Variants in ZFHX3 observed in about 807,000 individuals in gnomAD.
ZFHX3 encodes zinc finger homeobox protein 3.
In ZFHX3, 42 loss-of-function variants were observed where a neutral mutation model predicts 279.1. The observed-to-expected ratio is 0.15, with a 90% CI of 0.12 to 0.19. The LOEUF (loss-of-function observed/expected upper bound fraction) is 0.19. ZFHX3 is among the 10% of genes least tolerant of loss of function. ZFHX3 has a pLI of 1.00. For missense variants in ZFHX3, 4,981 were observed against 4,754.0 expected, an observed-to-expected ratio of 1.05 and a Z score of -1.40; for synonymous variants, 2,293 against 1,957.8, an observed-to-expected ratio of 1.17 and a Z score of -4.52.
intron 2 of ZFHX3, among the ~76,000 whole-genome samples, chr16:73,617,142 A>G (rs1363352911): frequency 7.9e-5 from 12 of 152,112 alleles, no homozygotes. Flanking sequence ...CTAAACCCCT[A>G]TTTCTCCACC....
At chr16:73,194,510 C>T (rs893555548) in intron 5 of ZFHX3, among the ~76,000 whole-genome samples, 1 of 152,148 alleles carries the variant, frequency 6.6e-6, no homozygotes, top group Admixed American at 6.5e-5. Context: ...TTATTGCCTT[C>T]TTACTTGCTA....
chr16:73,624,529 A>G (rs1597033907), intron 2 of ZFHX3, among the ~76,000 whole-genome samples: 1 of 152,150 alleles, frequency 6.6e-6, no homozygotes, highest in Admixed American at 6.5e-5. Context: ...AGCTAGAACC[A>G]TCAACATTAT....
chr16:73,551,513 G>A (rs1354694826), intron 2 of ZFHX3, among the ~76,000 whole-genome samples: 4 of 152,188 alleles, frequency 2.6e-5, no homozygotes, highest in African/African-American at 9.7e-5. Flanking sequence ...TGAGGGAGGT[G>A]TAGTCACTCT....
chr16:73,415,953 C>T (rs1437206991), intron 3 of ZFHX3, among the ~76,000 whole-genome samples: 1 of 151,986 alleles, frequency 6.6e-6, no homozygotes, highest in Non-Finnish European at 1.5e-5. Flanking sequence ...AACCCCATCT[C>T]TACTAAAAAT....
At chr16:73,723,668 A>G (rs538347008) in intron 1 of ZFHX3, among the ~76,000 whole-genome samples, 3 of 152,126 alleles carry the variant, frequency 2.0e-5, no homozygotes, top group Non-Finnish European at 4.4e-5. Flanking sequence ...TTTGTAATTT[A>G]AAAAAATATA....
At chr16:73,631,964 GT>G (rs981433833) in intron 2 of ZFHX3, among the ~76,000 whole-genome samples, 20 of 128,820 alleles carry the variant, frequency 1.6e-4, no homozygotes, top group African/African-American at 5.1e-4. Context: ...CACACACAAA[GT>G]TTTGCATCTC....
At chr16:73,715,248 C>T (rs74712538) in intron 1 of ZFHX3, among the ~76,000 whole-genome samples, 4,810 of 152,200 alleles carry the variant, frequency 0.032, 98 homozygotes, top group African/African-American at 0.053. Flanking sequence ...TCATGCCCCA[C>T]AGGAAATTGA....
intron 1 of ZFHX3, among the ~76,000 whole-genome samples, chr16:73,716,791 G>C (rs183717907): frequency 1.2e-3 from 181 of 152,162 alleles, no homozygotes; most frequent in African/African-American, 4.1e-3. Flanking sequence ...TTTACAGAAA[G>C]CATTATCGAT....
intron 2 of ZFHX3, among the ~76,000 whole-genome samples, chr16:73,458,659 T>C (rs1445322130): frequency 6.6e-6 from 1 of 152,172 alleles, no homozygotes; most frequent in Non-Finnish European, 1.5e-5. Context: ...CTTTTTGTCT[T>C]GATGCGGGTT....
intron 5 of ZFHX3, among the ~76,000 whole-genome samples, chr16:73,234,969 G>A (rs149125062): frequency 3.3e-5 from 5 of 152,318 alleles, no homozygotes; most frequent in Non-Finnish European, 7.3e-5. Flanking sequence ...CACTTTTAGA[G>A]AATCCCATCC....
intron 1 of ZFHX3, among the ~76,000 whole-genome samples, chr16:73,866,089 A>G (rs2142395023): frequency 1.3e-5 from 2 of 151,566 alleles, no homozygotes; most frequent in South Asian, 4.2e-4. Context: ...TTGAGCCTCA[A>G]TCTCCCGGGC....
intron 4 of ZFHX3, among the ~76,000 whole-genome samples, chr16:73,268,810 C>A (rs1460801527): frequency 6.6e-6 from 1 of 152,126 alleles, no homozygotes; most frequent in South Asian, 2.1e-4. Flanking sequence ...TCCTGGTGGC[C>A]ATCCCTGGGA....
At chr16:73,232,818 C>G (rs1181567111) in intron 5 of ZFHX3, 2 of 152,232 alleles carry the variant, frequency 1.3e-5, no homozygotes, top group African/African-American at 4.8e-5. Context: ...TTGCTGCTCT[C>G]TGATGGCACG....
rs79122754 is a variant in ZFHX3, at chr16:72,865,366, G to A, written c.3448+24365C>T. Among the ~76,000 whole-genome samples the A allele has an allele frequency of 0.015, 2,296 of 152,276 alleles. 111 individuals are homozygous for A. The East Asian group carries it at 0.16, about 11-fold the overall frequency. Reference sequence around the variant, plus strand: ...GAACCCTCAATATACACACAAGCCCGTTCAGCCCCGAGTTGGGCTCTGAGT... The same window carrying A: ...GAACCCTCAATATACACACAAGCCCATTCAGCCCCGAGTTGGGCTCTGAGT... On this transcript the variant is annotated intron_variant, in intron 4 of 9. Transcript: ENST00000268489.
At chr16:72,873,042 A>T (rs533258195) in intron 4 of ZFHX3, among the ~76,000 whole-genome samples, 3 of 152,244 alleles carry the variant, frequency 2.0e-5, no homozygotes, top group South Asian at 4.1e-4. Flanking sequence ...CTTCCCCACC[A>T]TTCAGTCCAG....
intron 1 of ZFHX3, among the ~76,000 whole-genome samples, chr16:73,862,649 G>A (rs1231822563): frequency 1.3e-5 from 2 of 151,882 alleles, no homozygotes; most frequent in African/African-American, 4.8e-5. Context: ...GGTGGCACAT[G>A]CCTGTTTGTC....
intron 4 of ZFHX3, among the ~76,000 whole-genome samples, chr16:73,280,116 C>G (rs1429748558): frequency 1.3e-5 from 2 of 152,046 alleles, no homozygotes; most frequent in Non-Finnish European, 2.9e-5. Flanking sequence ...CTAAAAAAAT[C>G]AACTCAAAAT....
At chr16:73,411,973 A>C (rs1278820095) in intron 3 of ZFHX3, among the ~76,000 whole-genome samples, 4 of 152,208 alleles carry the variant, frequency 2.6e-5, no homozygotes, top group African/African-American at 7.2e-5. Context: ...GCTAAAACTT[A>C]AGGAAGAGCA....
intron 4 of ZFHX3, among the ~76,000 whole-genome samples, chr16:72,856,643 C>T (rs2037762154): frequency 6.6e-6 from 1 of 152,196 alleles, no homozygotes; most frequent in African/African-American, 2.4e-5. Context: ...ACTTCAATGT[C>T]TAATCTTCCT....
Sources: gnomAD v4.1 joint callset for allele counts (sites outside exome capture counted in the v4.1 genomes callset) on GRCh38, gnomAD v4.1.1 for gene constraint, MANE v1.5 for transcripts, NCBI Gene and HGNC (gene_info 2026-07-23, HGNC 2026-07-21) for gene names.